RALYL: variants seen among roughly 807,000 people sequenced by gnomAD.
The protein encoded by RALYL is RALY RNA binding protein like.
Under a neutral mutation model 35.1 loss-of-function variants are expected in RALYL, and 29 were observed. That is an observed-to-expected ratio of 0.83 (90% CI 0.61 to 1.13). The LOEUF (loss-of-function observed/expected upper bound fraction) is 1.13. RALYL is among the 50% of genes most tolerant of loss of function. The probability of loss-of-function intolerance (pLI) is 0.00; values close to 1 mark genes in which losing one functional copy is unlikely to be tolerated. For missense variants in RALYL, 359 were observed against 360.4 expected (o/e 1.00, Z 0.03); for synonymous variants, 120 against 127.6 (o/e 0.94, Z 0.40).
chr8:84,377,384 G>A (rs551986145), intron 1 of RALYL, among the ~76,000 whole-genome samples: 3 of 148,108 alleles, frequency 2.0e-5, no homozygotes, highest in Non-Finnish European at 4.5e-5. Context: ...GAGTTGTCAA[G>A]AGAAACTGAA....
At chr8:84,826,853 G>A (rs1829837262) in intron 4 of RALYL, among the ~76,000 whole-genome samples, 2 of 151,954 alleles carry the variant, frequency 1.3e-5, no homozygotes, top group Admixed American at 1.3e-4. Flanking sequence ...AATCAACAAG[G>A]AAAGAATCAC....
At chr8:84,766,909 G>T (rs1814234549) in intron 2 of RALYL, among the ~76,000 whole-genome samples, 1 of 151,980 alleles carries the variant, frequency 6.6e-6, no homozygotes, top group Non-Finnish European at 1.5e-5. Context: ...AGTGCGTGGG[G>T]TGCTGAAGGG....
At chr8:84,273,576 T>C (rs1834755055) in intron 1 of RALYL, among the ~76,000 whole-genome samples, 1 of 152,248 alleles carries the variant, frequency 6.6e-6, no homozygotes, top group Non-Finnish European at 1.5e-5. Flanking sequence ...GGAGTCATCA[T>C]ACCATCTCAG....
chr8:84,282,295 T>C (rs541782020), intron 1 of RALYL, among the ~76,000 whole-genome samples: 18 of 151,660 alleles, frequency 1.2e-4, no homozygotes, highest in African/African-American at 4.3e-4. Context: ...TCTCACTAGA[T>C]TGTAAGTTCC....
chr8:84,771,081 A>G (rs1815371916), intron 2 of RALYL, among the ~76,000 whole-genome samples: 1 of 152,014 alleles, frequency 6.6e-6, no homozygotes, highest in Non-Finnish European at 1.5e-5. Flanking sequence ...TTTATACAAT[A>G]TATCATTCAA....
At position 84,541,474 on chromosome 8, in the gene RALYL, T is replaced by C. The variant is rs139027339; in HGVS notation, c.256+11897T>C. On this transcript the variant is annotated intron_variant, in intron 2 of 8. Transcript: ENST00000521268. The stretch of plus-strand genomic sequence containing the variant: ...ATTAATTAAAATTCAATGAGAACTT[T>C]TAAATAGCCCTAGATATGGTCAGTT... 1.6e-3 allele frequency among the ~76,000 whole-genome samples: 243 copies of C among 152,140 alleles called. 1 individual carries two copies. Among genetic ancestry groups the C allele is most frequent in the African/African-American group, 5.3e-3 (219 of 41,566 alleles).
At chr8:84,339,290 G>A in intron 1 of RALYL, among the ~76,000 whole-genome samples, 1 of 152,034 alleles carries the variant, frequency 6.6e-6, no homozygotes, top group Non-Finnish European at 1.5e-5. Flanking sequence ...CACAGTGGGA[G>A]ATGAGTAACA....
chr8:84,722,617 TTATATATATATA>T (rs71823678), intron 2 of RALYL, among the ~76,000 whole-genome samples: 2 of 97,366 alleles, frequency 2.1e-5, no homozygotes, highest in African/African-American at 5.2e-5. Flanking sequence ...TAGAGTGATT[TTATATATATATA>T]TATATATATA....
At chr8:84,539,602 A>G (rs568992246) in intron 2 of RALYL, among the ~76,000 whole-genome samples, 20 of 151,990 alleles carry the variant, frequency 1.3e-4, no homozygotes, top group Non-Finnish European at 2.9e-4. Context: ...CTTTGGCCAT[A>G]AAGACATGCT....
In RALYL at chr8:84,286,466, C is replaced by T. The variant is rs185597705; in HGVS notation, c.-24+102042C>T. 2.8e-3 allele frequency among the ~76,000 whole-genome samples: 420 copies of T among 152,266 alleles called. 2 individuals carry two copies. The highest frequency in any genetic ancestry group is 9.5e-3 in the African/African-American group (394 of 41,564). On this transcript the variant is annotated intron_variant, in intron 1 of 8. Coordinates refer to ENST00000521268, the MANE Select transcript of RALYL (RefSeq NM_173848.7). ...TGAACTTGGGTCCATTTGTCTGGTG[C>T]AGCAAAGCTAAACATTCACATGAGG...
At chr8:84,415,140 C>T (rs2044509460) in intron 1 of RALYL, among the ~76,000 whole-genome samples, 1 of 147,244 alleles carries the variant, frequency 6.8e-6, no homozygotes, top group Non-Finnish European at 1.5e-5. Context: ...ATACTCCCTT[C>T]ACTCTAATAT....
At chr8:84,337,599 ATAAAT>A (rs878915354) in intron 1 of RALYL, among the ~76,000 whole-genome samples, 6 of 152,094 alleles carry the variant, frequency 3.9e-5, no homozygotes, top group South Asian at 2.1e-4. Flanking sequence ...AAAACATCTG[ATAAAT>A]TAAATGTGAC....
chr8:84,902,457 A>C (rs1469623839), intron 8 of RALYL, among the ~76,000 whole-genome samples: 2 of 152,148 alleles, frequency 1.3e-5, no homozygotes, highest in Non-Finnish European at 2.9e-5. Context: ...ATTCAACATG[A>C]GATTTGGACG....
chr8:84,811,123 C>T (rs1047701289), intron 4 of RALYL, among the ~76,000 whole-genome samples: 5 of 151,604 alleles, frequency 3.3e-5, no homozygotes, highest in African/African-American at 1.2e-4. Flanking sequence ...GTGATTTATG[C>T]TTTAAAGAGG....
intron 2 of RALYL, among the ~76,000 whole-genome samples, chr8:84,714,279 T>G (rs1163258307): frequency 6.6e-6 from 1 of 151,818 alleles, no homozygotes; most frequent in Non-Finnish European, 1.5e-5. Flanking sequence ...GGAAACATGT[T>G]TGTCAACAGA....
chr8:84,689,147 A>T lies in RALYL; in HGVS notation c.257-85432A>T, dbSNP rs1158123483. Among the ~76,000 whole-genome samples, 10 of 152,060 alleles carry T rather than the reference A, an allele frequency of 6.6e-5. No individual in the cohort carries two copies. The South Asian group carries it at 2.1e-3, about 32-fold the overall frequency. On this transcript the variant is annotated intron_variant, in intron 2 of 8. Coordinates refer to ENST00000521268, the MANE Select transcript of RALYL (RefSeq NM_173848.7). Reference sequence around the variant, plus strand: ...CAATGTGCAGGTTAGTTACATATGTATACATGTGCCATGCTGGTGCGCTGC... The same window carrying T: ...CAATGTGCAGGTTAGTTACATATGTTTACATGTGCCATGCTGGTGCGCTGC...
chr8:84,268,522 T>C (rs1281602551), intron 1 of RALYL, among the ~76,000 whole-genome samples: 1 of 152,204 alleles, frequency 6.6e-6, no homozygotes, highest in African/African-American at 2.4e-5. Context: ...AATAATTGCA[T>C]TATTGTGTAG....
chr8:84,808,509 A>G (rs1276095195), intron 4 of RALYL, among the ~76,000 whole-genome samples: 1 of 152,082 alleles, frequency 6.6e-6, no homozygotes, highest in East Asian at 1.9e-4. Context: ...TTCCATATGA[A>G]TTTTAGAATT....
chr8:84,402,546 A>G (rs2043021161), intron 1 of RALYL, among the ~76,000 whole-genome samples: 1 of 152,162 alleles, frequency 6.6e-6, no homozygotes, highest in Non-Finnish European at 1.5e-5. Flanking sequence ...TCACTGGCCC[A>G]CTGTCCTAGT....
Sources: gnomAD v4.1 joint callset for allele counts (sites outside exome capture counted in the v4.1 genomes callset) on GRCh38, gnomAD v4.1.1 for gene constraint, MANE v1.5 for transcripts, NCBI Gene and HGNC (gene_info 2026-07-23, HGNC 2026-07-21) for gene names.